RIPOR1: variants seen among roughly 807,000 people sequenced by gnomAD.
RIPOR1 encodes RHO family interacting cell polarization regulator 1, also known as rho family-interacting cell polarization regulator 1.
In RIPOR1, 58 loss-of-function variants were observed where a neutral mutation model predicts 116.5. The observed-to-expected ratio is 0.50, with a 90% confidence interval of 0.40 to 0.62. The LOEUF (loss-of-function observed/expected upper bound fraction) is 0.62. RIPOR1 is among the 20% of genes least tolerant of loss of function. RIPOR1 has a pLI of 0.00. For synonymous variants in RIPOR1, 605 were observed against 650.0 expected, an observed-to-expected ratio of 0.93 and a Z score of 1.05; for missense variants, 1,372 against 1,586.2, an observed-to-expected ratio of 0.86 and a Z score of 2.29.
At position 67,540,685 on chromosome 16, in the gene RIPOR1, C is replaced by T. The variant is rs781462618; in HGVS notation, c.782C>T (p.Thr261Met). The T allele has an allele frequency of 2.9e-5, 47 of 1,604,154 alleles. No homozygotes were observed. Among genetic ancestry groups the T allele is most frequent in the Admixed American group, 1.2e-4 (7 of 58,884 alleles). ...GAAACCATCTTTCTCCCTCTACTCA[C>T]GGAATTTCTGTCTATTAAGGTGATG... ...SEETIFLPLL[T>M]EFLSIKVTEL... The change falls in exon 10 of 22, where the codon ACG becomes ATG. Residue 261 changes from threonine (T) to methionine (M), a missense_variant. Physicochemically the swap from Thr to Met is moderately conservative, Grantham distance 81. Coordinates refer to ENST00000042381, the MANE Select transcript of RIPOR1 (RefSeq NM_024519.4). The surrounding 1 kb of genome is among the most constrained non-coding windows in gnomAD (Gnocchi z 4.7).
chr16:67,542,935 G>A lies in RIPOR1; in HGVS notation c.2149G>A (p.Ala717Thr). The A allele has an allele frequency of 6.3e-7, 1 of 1,597,862 alleles. No homozygotes were observed. Among genetic ancestry groups the A allele is most frequent in the South Asian group, 1.1e-5 (1 of 88,544 alleles). Reference protein sequence around the residue: ...SPPVSNSYTQADPMAPRTPHP... With the variant: ...SPPVSNSYTQTDPMAPRTPHP... ...CCCAGTCTCCAATTCCTACACTCAGGCAGACCCTATGGCCCCCAGAACTCC... is the reference window on the plus strand; with the variant it reads ...CCCAGTCTCCAATTCCTACACTCAGACAGACCCTATGGCCCCCAGAACTCC... Residue 717 changes from alanine to threonine, a missense_variant, in exon 13 of 22, where the codon GCA becomes ACA. This residue lies in a region of RIPOR1 where 1,005 missense variants were observed against 1,144.7 expected (regional missense o/e 0.88). Coordinates refer to ENST00000042381, the MANE Select transcript of RIPOR1 (RefSeq NM_024519.4). This position sits in a 1 kb window ranked among gnomAD's most constrained non-coding sequence, Gnocchi z 4.6.
At position 67,530,679 on chromosome 16, in the gene RIPOR1, T is replaced by G. The variant is rs1205332207; in HGVS notation, c.-24+1765T>G. 6.6e-6 allele frequency among the ~76,000 whole-genome samples: 1 copy of G among 152,140 alleles called. No individual in the cohort carries two copies. Among genetic ancestry groups the G allele is most frequent in the East Asian group, 1.9e-4 (1 of 5,178 alleles). On this transcript the variant is annotated intron_variant, in intron 1 of 21. Transcript: ENST00000042381. The surrounding 1 kb of genome is among the most constrained non-coding windows in gnomAD (Gnocchi z 4.5). ...TGCCAGTCTTGGTGTGTAGGAAGTA[T>G]AGCGGGGCTGCAAGATCTGGGGCCA... is the stretch of plus-strand genomic sequence containing the variant.
At position 67,529,675 on chromosome 16, in the gene RIPOR1, C is replaced by T; in HGVS notation, c.-24+761C>T. 3.8e-6 allele frequency: 5 copies of T among 1,330,618 alleles called. No individual in the cohort carries two copies. The South Asian group carries it at 5.5e-5, about 15-fold the overall frequency. 82.4% of individuals were successfully genotyped at this position (1,330,618 alleles called of 1,614,324 possible). ...TCCGGCCTCCCCTACAGACCCTCCC[C>T]AGCCAGTTCTAACGTGTGTCCAGGC... On this transcript the variant is annotated intron_variant, in intron 1 of 21. Coordinates refer to ENST00000042381, the MANE Select transcript of RIPOR1 (RefSeq NM_024519.4). The surrounding 1 kb of genome is among the most constrained non-coding windows in gnomAD (Gnocchi z 4.1).
chr16:67,521,369 G>T (rs889074704), intron 1 of RIPOR1, among the ~76,000 whole-genome samples: 1 of 152,158 alleles, frequency 6.6e-6, no homozygotes, highest in Non-Finnish European at 1.5e-5. Context: ...TGGTGGCCGG[G>T]TCTCTCCTAC....
chr16:67,545,904 G>C lies in RIPOR1; in HGVS notation c.3387+44G>C. On this transcript the variant is annotated intron_variant, in intron 19 of 21. Coordinates refer to ENST00000042381, the MANE Select transcript of RIPOR1 (RefSeq NM_024519.4). The surrounding 1 kb of genome is among the most constrained non-coding windows in gnomAD (Gnocchi z 4.8). Reference sequence around the variant, plus strand: ...CCTTGAGGGCGAGGGCTGGGGTCCTGGACTCCCACTGTCTGGCTAAGTCTG... The same window carrying C: ...CCTTGAGGGCGAGGGCTGGGGTCCTCGACTCCCACTGTCTGGCTAAGTCTG... 6.2e-7 allele frequency: 1 copy of C among 1,613,094 alleles called. No homozygotes were observed. Among genetic ancestry groups the C allele is most frequent in the Non-Finnish European group, 8.5e-7 (1 of 1,179,494 alleles).
rs549088471 is a variant in RIPOR1 at position 67,537,541 on chromosome 16, G to A, written c.-23-883G>A. The A allele has an allele frequency of 7.4e-7, 1 of 1,352,720 alleles. No individual in the cohort carries two copies. The allele number at this position is 1,352,720 out of a possible 1,614,324, so 83.8% of individuals were successfully genotyped here. On this transcript the variant is annotated intron_variant, in intron 1 of 21. Coordinates refer to ENST00000042381, the MANE Select transcript of RIPOR1 (RefSeq NM_024519.4). The surrounding 1 kb of genome is among the most constrained non-coding windows in gnomAD (Gnocchi z 4.6). The stretch of plus-strand genomic sequence containing the variant: ...AGTGGCCAGGGCCGGAAGGTCCGCG[G>A]GGGGCGAGCGCGGGTCGGGGGCCGT...
chr16:67,535,916 A>C (rs1357564601), intron 1 of RIPOR1, among the ~76,000 whole-genome samples: 1 of 152,088 alleles, frequency 6.6e-6, no homozygotes, highest in African/African-American at 2.4e-5. Flanking sequence ...AACATATCTC[A>C]AACTGAGGTC....
chr16:67,538,626 T>A (rs1158744891), intron 2 of RIPOR1, 46 bp from the exon 3 acceptor site: 1 of 1,608,680 alleles, frequency 6.2e-7, no homozygotes, highest in Non-Finnish European at 8.5e-7. Context: ...AGTGAGAGTC[T>A]GGGGGACTCC....
chr16:67,542,285 C>G lies in RIPOR1; in HGVS notation c.1499C>G (p.Pro500Arg), dbSNP rs759895330. Reference protein sequence around the residue: ...HPSPVPPALDPGHSATSSTLG... With the variant: ...HPSPVPPALDRGHSATSSTLG... ...AGTCCTGTTCCTCCTGCCCTGGACC[C>G]TGGCCACTCTGCCACAAGCTCTACC... The change falls in exon 13 of 22, where the codon CCT becomes CGT. Residue 500 changes from proline to arginine, a missense_variant. Transcript: ENST00000042381. The surrounding 1 kb of genome is among the most constrained non-coding windows in gnomAD (Gnocchi z 4.6). The G allele has an allele frequency of 1.2e-6, 2 of 1,613,976 alleles. No homozygotes were observed. The highest frequency in any genetic ancestry group is 2.2e-5 in the South Asian group (2 of 91,084).
Position 67,530,707 on chromosome 16 carries a change from C to T in RIPOR1, c.-24+1793C>T, listed in dbSNP as rs1567561962. Among the ~76,000 whole-genome samples the T allele has an allele frequency of 6.6e-6, 1 of 152,136 alleles. No individual in the cohort carries two copies. Among genetic ancestry groups the T allele is most frequent in the Non-Finnish European group, 1.5e-5 (1 of 68,006 alleles). The stretch of plus-strand genomic sequence containing the variant: ...CGGGGCTGCAAGATCTGGGGCCATG[C>T]GGACAGGTCAGGGCTCCTCCACTCA... On this transcript the variant is annotated intron_variant, in intron 1 of 21. Coordinates refer to ENST00000042381, the MANE Select transcript of RIPOR1 (RefSeq NM_024519.4). The surrounding 1 kb of genome is among the most constrained non-coding windows in gnomAD (Gnocchi z 4.5).
rs1266018047 is a variant in RIPOR1, at chr16:67,538,438, A to T, written c.-9A>T. 2.5e-6 allele frequency: 4 copies of T among 1,596,074 alleles called. No homozygotes were observed. In the Admixed American group the frequency reaches 7.0e-5, roughly 28 times the overall value. On this transcript the variant is annotated 5_prime_UTR_variant, in exon 2 of 22. Transcript: ENST00000042381. Reference sequence around the variant, plus strand: ...ATCACCCGCAGGGAGCCCCGCGCGGACTCACTCTATGATGTCCCTGTCGGT... The same window carrying T: ...ATCACCCGCAGGGAGCCCCGCGCGGTCTCACTCTATGATGTCCCTGTCGGT...
chr16:67,541,334 C>T lies in RIPOR1; in HGVS notation c.802-96C>T, dbSNP rs1429806185. On this transcript the variant is annotated intron_variant, in intron 10 of 21. Coordinates refer to ENST00000042381, the MANE Select transcript of RIPOR1 (RefSeq NM_024519.4). This position sits in a 1 kb window ranked among gnomAD's most constrained non-coding sequence, Gnocchi z 4.6. The stretch of plus-strand genomic sequence containing the variant: ...ATCCTCCTGCCTCAGCCTCCCATGA[C>T]CATTTTATAAGTTCTATGCAAATTC... 4 of 1,428,982 alleles carry T rather than the reference C, an allele frequency of 2.8e-6. No individual in the cohort carries two copies. The highest frequency in any genetic ancestry group is 3.8e-6 in the Non-Finnish European group (4 of 1,049,708). 88.5% of individuals were successfully genotyped at this position (1,428,982 alleles called of 1,614,324 possible).
At chr16:67,533,772 AG>A (rs1277775955) in intron 1 of RIPOR1, among the ~76,000 whole-genome samples, 3 of 149,722 alleles carry the variant, frequency 2.0e-5, no homozygotes, top group African/African-American at 7.4e-5. Context: ...GAAATGGGGT[AG>A]CTGGACAAAG....
rs761809555 is a variant in RIPOR1 at position 67,544,471 on chromosome 16, C to A, written c.2733+40C>A. 1 of 1,581,620 alleles carries A rather than the reference C, an allele frequency of 6.3e-7. No individual in the cohort carries two copies. Among genetic ancestry groups the A allele is most frequent in the Non-Finnish European group, 8.6e-7 (1 of 1,164,036 alleles). ...GTTCCCCCACCCTTCCTTTGTAACC[C>A]CTAACCCCAGGGAGTCCTGCCCTTC... On this transcript the variant is annotated intron_variant, in intron 15 of 21. Transcript: ENST00000042381. The surrounding 1 kb of genome is among the most constrained non-coding windows in gnomAD (Gnocchi z 5.1).
chr16:67,525,010 G>C (rs369232805), upstream of RIPOR1, among the ~76,000 whole-genome samples: 1 of 152,220 alleles, frequency 6.6e-6, no homozygotes, highest in African/African-American at 2.4e-5. Flanking sequence ...GGCCCCGCAC[G>C]CAATTCTCCA....
rs373348412 is a variant in RIPOR1 at position 67,541,601 on chromosome 16, G to C, written c.950+23G>C. 3 of 1,614,008 alleles carry C rather than the reference G, an allele frequency of 1.9e-6. No individual in the cohort carries two copies. The highest frequency in any genetic ancestry group is 8.5e-7 in the Non-Finnish European group (1 of 1,179,926). Reference sequence around the variant, plus strand: ...GAGGTTGGTGGGGCTGAGAGGCTTGGAGGAGGGCCAGGAGGGCTGTGGCAC... The same window carrying C: ...GAGGTTGGTGGGGCTGAGAGGCTTGCAGGAGGGCCAGGAGGGCTGTGGCAC... On this transcript the variant is annotated intron_variant, in intron 11 of 21. Transcript: ENST00000042381. The surrounding 1 kb of genome is among the most constrained non-coding windows in gnomAD (Gnocchi z 4.6).
chr16:67,537,297 C>A lies in RIPOR1; in HGVS notation c.-23-1127C>A. On this transcript the variant is annotated intron_variant, in intron 1 of 21. Transcript: ENST00000042381. The surrounding 1 kb of genome is among the most constrained non-coding windows in gnomAD (Gnocchi z 4.6). The stretch of plus-strand genomic sequence containing the variant: ...TCCATTCTATCCCTTCATATTCATC[C>A]CCATGCTCAAATCCCTTTACGCACA... The A allele has an allele frequency of 1.4e-6, 1 of 722,992 alleles. No homozygotes were observed. Among genetic ancestry groups the A allele is most frequent in the Non-Finnish European group, 1.7e-6 (1 of 589,944 alleles). 44.8% of individuals were successfully genotyped at this position (722,992 alleles called of 1,614,324 possible).
At position 67,537,730 on chromosome 16, in the gene RIPOR1, G is replaced by C. The variant is rs570194196; in HGVS notation, c.-23-694G>C. On this transcript the variant is annotated intron_variant, in intron 1 of 21. Coordinates refer to ENST00000042381, the MANE Select transcript of RIPOR1 (RefSeq NM_024519.4). This position sits in a 1 kb window ranked among gnomAD's most constrained non-coding sequence, Gnocchi z 4.6. The stretch of plus-strand genomic sequence containing the variant: ...CCGAGGAGCTCTCCCCGCCGATGCC[G>C]GGGTGGAGGCGCACGTCCGTGACTC... 7.5e-5 allele frequency: 39 copies of C among 519,660 alleles called. No homozygotes were observed. The East Asian group carries it at 1.3e-3, about 17-fold the overall frequency. 32.2% of individuals were successfully genotyped at this position (519,660 alleles called of 1,614,324 possible).
At chr16:67,539,489 G>A in intron 4 of RIPOR1, 2 of 599,070 alleles carry the variant, frequency 3.3e-6, no homozygotes, top group East Asian at 5.7e-5. Context: ...GCGGCTGCAG[G>A]AAAAGGAATC....
Sources: gnomAD v4.1 joint callset for allele counts (sites outside exome capture counted in the v4.1 genomes callset) on GRCh38, gnomAD v4.1.1 for gene constraint, gnomAD v4.1.1 regional missense constraint, Gnocchi (gnomAD v3.1) non-coding constraint, MANE v1.5 for transcripts, NCBI Gene and HGNC (gene_info 2026-07-23, HGNC 2026-07-21) for gene names.